Variants in NFAT5 observed in about 807,000 individuals in gnomAD.
NFAT5 encodes the protein nuclear factor of activated T cells 5, also known as nuclear factor of activated T-cells 5.
Under a neutral mutation model 166.5 loss-of-function variants are expected in NFAT5, and 31 were observed. That is an observed-to-expected ratio of 0.19 (90% CI 0.14 to 0.25). The LOEUF (loss-of-function observed/expected upper bound fraction) is 0.25, where lower values mean the gene tolerates loss of function less well. NFAT5 is among the 10% of genes least tolerant of loss of function. The probability of loss-of-function intolerance (pLI) is 1.00; values close to 1 mark genes in which losing one functional copy is unlikely to be tolerated. For synonymous variants in NFAT5, 612 were observed against 639.7 expected (o/e 0.96, Z 0.65); for missense variants, 1,449 against 1,821.8 (o/e 0.80, Z 3.72).
chr16:69,642,619 G>GACCA (rs1216355108), intron 3 of NFAT5, among the ~76,000 whole-genome samples: 2 of 152,012 alleles, frequency 1.3e-5, no homozygotes, highest in African/African-American at 4.8e-5. Context: ...AGGAGTTCAA[G>GACCA]ACCAGCCTGG....
rs559512776 is a variant in NFAT5 at position 69,609,968 on chromosome 16, C to T, written c.128-16435C>T. On this transcript the variant is annotated intron_variant, in intron 2 of 14. Transcript: ENST00000349945. The stretch of plus-strand genomic sequence containing the variant: ...CTGCAATGAGCAATGATTGTGCCAC[C>T]GCACTCCAATCTGGACAACAGAGTG... 5.3e-5 allele frequency among the ~76,000 whole-genome samples: 8 copies of T among 151,710 alleles called. No individual in the cohort carries two copies. In the South Asian group the frequency reaches 1.2e-3, roughly 24 times the overall value.
Position 69,695,309 on chromosome 16 carries a change from G to A in NFAT5, c.4588G>A (p.Glu1530Lys), listed in dbSNP as rs994668325. The change falls in exon 14 of 15, where the codon GAA becomes AAA. Residue 1530 changes from glutamate (E) to lysine (K), a missense_variant. By Grantham distance (56) the Glu-to-Lys change is moderately conservative (BLOSUM62 1). Around this residue, in one of 7 missense-constraint regions of NFAT5, gnomAD observed 891 missense variants for 993.0 expected, o/e 0.90. Coordinates refer to ENST00000349945, the MANE Select transcript of NFAT5 (RefSeq NM_138713.4). ...ASSINTNQNI[E>K]KIDLLVSLQN... Reference sequence around the variant, plus strand: ...CTCTATAAACACCAACCAGAACATCGAAAAGATTGATTTGCTTGTTTCATT... The same window carrying A: ...CTCTATAAACACCAACCAGAACATCAAAAAGATTGATTTGCTTGTTTCATT... The A allele has an allele frequency of 5.0e-6, 8 of 1,613,974 alleles. No homozygotes were observed. The highest frequency in any genetic ancestry group is 2.2e-5 in the East Asian group (1 of 44,902).
rs754780327 is a variant in NFAT5, at chr16:69,691,080, A to G, written c.1915A>G (p.Ile639Val). The change falls in exon 12 of 15, where the codon ATT (isoleucine) becomes GTT (valine). Residue 639 changes from isoleucine (I) to valine (V), a missense_variant. Physicochemically the swap from Ile to Val is conservative, Grantham distance 29 (BLOSUM62 3). This residue lies in a region of NFAT5 where 245 missense variants were observed against 366.6 expected (regional missense o/e 0.67). Coordinates refer to ENST00000349945, the MANE Select transcript of NFAT5 (RefSeq NM_138713.4). ...AACAGCAGAAAAAAGATCTTCCACTATTTTTAAGGTAAGCTGTATTGACTA... is the reference window on the plus strand; with the variant it reads ...AACAGCAGAAAAAAGATCTTCCACTGTTTTTAAGGTAAGCTGTATTGACTA... Reference protein sequence around the residue: ...EVTAEKRSSTIFKTTKSVGST... With the variant: ...EVTAEKRSSTVFKTTKSVGST... 2.5e-6 allele frequency: 4 copies of G among 1,596,626 alleles called. No homozygotes were observed. The highest frequency in any genetic ancestry group is 1.8e-5 in the Admixed American group (1 of 56,656).
chr16:69,644,255 A>T (rs2035339427), intron 3 of NFAT5, among the ~76,000 whole-genome samples: 1 of 152,068 alleles, frequency 6.6e-6, no homozygotes. Context: ...ACTGCACTGT[A>T]GCCTGGGCAA....
chr16:69,606,923 G>C (rs2033442593), intron 2 of NFAT5, among the ~76,000 whole-genome samples: 1 of 152,176 alleles, frequency 6.6e-6, no homozygotes, highest in Non-Finnish European at 1.5e-5. Flanking sequence ...AAATGGGCAT[G>C]AGGTATTCAT....
intron 2 of NFAT5, among the ~76,000 whole-genome samples, chr16:69,586,706 ACTGGAAAATTTT>A (rs1197478065): frequency 6.6e-6 from 1 of 151,940 alleles, no homozygotes; most frequent in Admixed American, 6.6e-5. Flanking sequence ...CCCGGCCTCG[ACTGGAAAATTTT>A]TTGACTTTTA....
At chr16:69,620,561 G>A (rs1422208845) in intron 2 of NFAT5, among the ~76,000 whole-genome samples, 1 of 152,064 alleles carries the variant, frequency 6.6e-6, no homozygotes, top group Non-Finnish European at 1.5e-5. Flanking sequence ...TAGCAAGACC[G>A]CGTCTCTACA....
intron 2 of NFAT5, among the ~76,000 whole-genome samples, chr16:69,626,147 G>A (rs1469907994): frequency 6.6e-6 from 1 of 151,398 alleles, no homozygotes; most frequent in Non-Finnish European, 1.5e-5. Context: ...AGAGATGGGG[G>A]TCACTGTGTT....
intron 3 of NFAT5, among the ~76,000 whole-genome samples, chr16:69,638,150 C>T (rs141277887): frequency 0.011 from 1,745 of 152,008 alleles, 23 homozygotes; most frequent in African/African-American, 0.037. Flanking sequence ...ACCCGGGAGG[C>T]GGAGGTTGCA....
At chr16:69,641,010 T>G (rs1597454091) in intron 3 of NFAT5, among the ~76,000 whole-genome samples, 1 of 148,962 alleles carries the variant, frequency 6.7e-6, no homozygotes. Flanking sequence ...CCGGGCACGG[T>G]GGCTCACACC....
chr16:69,597,976 G>A (rs560604337), intron 2 of NFAT5, among the ~76,000 whole-genome samples: 1 of 152,300 alleles, frequency 6.6e-6, no homozygotes, highest in East Asian at 1.9e-4. Context: ...AGAAGAAGAT[G>A]TTAGGGAAAA....
Position 69,626,442 on chromosome 16 carries a change from C to T in NFAT5, c.167C>T (p.Pro56Leu), listed in dbSNP as rs1484539766. 22 of 1,593,514 alleles carry T rather than the reference C, an allele frequency of 1.4e-5. No individual in the cohort carries two copies. Among genetic ancestry groups the T allele is most frequent in the Non-Finnish European group, 1.9e-5 (22 of 1,170,532 alleles). ...YDLLPKELQL[P>L]PSRETSVASM... ...CTTCTCCCAAAGGAGTTACAGTTAC[C>T]TCCATCTAGAGAAACATCTGTAGCA... Residue 56 changes from proline to leucine, a missense_variant, in exon 3 of 15, where the codon CCT becomes CTT. This residue lies in a region of NFAT5 where 172 missense variants were observed against 194.5 expected (regional missense o/e 0.88). Coordinates refer to ENST00000349945, the MANE Select transcript of NFAT5 (RefSeq NM_138713.4).
chr16:69,613,542 A>T (rs1349467449), intron 2 of NFAT5, among the ~76,000 whole-genome samples: 1 of 152,166 alleles, frequency 6.6e-6, no homozygotes, highest in Non-Finnish European at 1.5e-5. Flanking sequence ...GAGTTACCTA[A>T]TAACCTGAGA....
chr16:69,593,780 AT>A (rs913994702), intron 2 of NFAT5, among the ~76,000 whole-genome samples: 5 of 152,218 alleles, frequency 3.3e-5, no homozygotes, highest in African/African-American at 1.2e-4. Context: ...AAAACACGCC[AT>A]TTTGTGCAGT....
chr16:69,589,537 CA>C (rs1291523688), intron 2 of NFAT5, among the ~76,000 whole-genome samples: 3 of 151,414 alleles, frequency 2.0e-5, no homozygotes, highest in African/African-American at 7.3e-5. Context: ...AATAAGAGGG[CA>C]AAAAAAATTT....
Position 69,566,521 on chromosome 16 carries a change from C to T in NFAT5, c.73+147C>T, listed in dbSNP as rs1179352830. 1 of 722,338 alleles carries T rather than the reference C, an allele frequency of 1.4e-6. No individual in the cohort carries two copies. The highest frequency in any genetic ancestry group is 1.8e-5 in the African/African-American group (1 of 56,378). The allele number at this position is 722,338 out of a possible 1,614,324, so 44.7% of individuals were successfully genotyped here. Reference sequence around the variant, plus strand: ...TTCTTTGGCCGGAGCGGGCAGAGGCCGAAGGGATCGGGGTGACGGTGGAGG... The same window carrying T: ...TTCTTTGGCCGGAGCGGGCAGAGGCTGAAGGGATCGGGGTGACGGTGGAGG... On this transcript the variant is annotated intron_variant, in intron 1 of 14. Transcript: ENST00000349945. This position sits in a 1 kb window ranked among gnomAD's most constrained non-coding sequence, Gnocchi z 5.7.
At chr16:69,638,730 G>A (rs1187575731) in intron 3 of NFAT5, among the ~76,000 whole-genome samples, 2 of 138,070 alleles carry the variant, frequency 1.4e-5, no homozygotes, top group East Asian at 2.1e-4. Context: ...AGAGAGACTC[G>A]GTCTCAAAAA....
At chr16:69,679,926 G>T (rs2036987766) in intron 10 of NFAT5, among the ~76,000 whole-genome samples, 1 of 152,042 alleles carries the variant, frequency 6.6e-6, no homozygotes, top group African/African-American at 2.4e-5. Flanking sequence ...GGACCATCCT[G>T]GCTAACACGG....
At position 69,692,241 on chromosome 16, in the gene NFAT5, G is replaced by A; in HGVS notation, c.2416G>A (p.Ala806Thr). Reference sequence around the variant, plus strand: ...AGCAGGGAGTTTCACAGGCAGTACTGCTAGTGGCAGCAGTGGAAGTGTTGA... The same window carrying A: ...AGCAGGGAGTTTCACAGGCAGTACTACTAGTGGCAGCAGTGGAAGTGTTGA... ...LQAGSFTGST[A>T]SGSSGSVDLV... Residue 806 changes from alanine to threonine, a missense_variant, in exon 13 of 15, where the codon GCT (alanine) becomes ACT (threonine). By Grantham distance (58) the Ala-to-Thr change is moderately conservative (BLOSUM62 0). Coordinates refer to ENST00000349945, the MANE Select transcript of NFAT5 (RefSeq NM_138713.4). The A allele has an allele frequency of 6.2e-7, 1 of 1,614,168 alleles. No homozygotes were observed. Among genetic ancestry groups the A allele is most frequent in the Non-Finnish European group, 8.5e-7 (1 of 1,180,044 alleles).
Sources: allele counts gnomAD v4.1 joint callset (sites outside exome capture counted in the v4.1 genomes callset), GRCh38; gene constraint gnomAD v4.1.1; regional missense constraint gnomAD v4.1.1; non-coding constraint Gnocchi (gnomAD v3.1); transcripts MANE v1.5; gene names NCBI Gene and HGNC (gene_info 2026-07-23, HGNC 2026-07-21).